ANK3: variants seen among roughly 807,000 people sequenced by gnomAD.
The protein encoded by ANK3 is ankyrin 3, also known as ankyrin-3.
In ANK3, 57 loss-of-function variants were observed where a neutral mutation model predicts 370.9. The ratio of observed to expected loss-of-function variants is 0.15; its 90% CI spans 0.12 to 0.19. The LOEUF (loss-of-function observed/expected upper bound fraction) is 0.19. Among genes scored for constraint, ANK3 ranks in the 10% least tolerant of loss-of-function variants. The pLI is 1.00. For synonymous variants in ANK3, 1,929 were observed against 1,946.3 expected, an observed-to-expected ratio of 0.99 and a Z score of 0.23; for missense variants, 4,439 against 5,302.1, an observed-to-expected ratio of 0.84 and a Z score of 5.06.
At chr10:60,122,472 G>T (rs1361333118) in intron 25 of ANK3, among the ~76,000 whole-genome samples, 1 of 152,208 alleles carries the variant, frequency 6.6e-6, no homozygotes. Context: ...CCTCCATCAG[G>T]AATAAAGGAG....
chr10:60,047,606 C>A (rs1263470930), intron 42 of ANK3, among the ~76,000 whole-genome samples: 1 of 152,168 alleles, frequency 6.6e-6, no homozygotes, highest in African/African-American at 2.4e-5. Context: ...ACTTACCATA[C>A]GTTTGAACTG....
chr10:60,135,912 C>T (rs2094321416), intron 24 of ANK3, among the ~76,000 whole-genome samples: 1 of 151,972 alleles, frequency 6.6e-6, no homozygotes, highest in Middle Eastern at 3.2e-3. Context: ...TCAGATGGAC[C>T]TCTCTTATCC....
At position 60,063,081 on chromosome 10, in the gene ANK3, T is replaced by G. The variant is rs201760438; in HGVS notation, c.12595+30A>C. Reference sequence around the variant, plus strand: ...GCACTTTCAAATTTTATCAAATGATTAAATAAATATGAACACTAAATTCGA... The same window carrying G: ...GCACTTTCAAATTTTATCAAATGATGAAATAAATATGAACACTAAATTCGA... On this transcript the variant is annotated intron_variant, in intron 40 of 43. Transcript: ENST00000280772. 1.1e-3 allele frequency: 1,701 copies of G among 1,589,240 alleles called. 29 individuals are homozygous for G. The South Asian group carries it at 0.018, about 17-fold the overall frequency.
chr10:60,528,064 A>G (rs1483375123), intron 2 of ANK3, among the ~76,000 whole-genome samples: 1 of 152,112 alleles, frequency 6.6e-6, no homozygotes, highest in African/African-American at 2.4e-5. Context: ...GCAAACAAAA[A>G]GAAAATACTA....
intron 1 of ANK3, among the ~76,000 whole-genome samples, chr10:60,380,017 A>G (rs1424313306): frequency 6.6e-6 from 1 of 152,106 alleles, no homozygotes; most frequent in Non-Finnish European, 1.5e-5. Context: ...CCCCCAAATC[A>G]GCTGACACAA....
At chr10:60,044,404 A>G (rs2076616627) in intron 42 of ANK3, 1 of 834,610 alleles carries the variant, frequency 1.2e-6, no homozygotes. Context: ...TCTCCACACT[A>G]CTCCAAACAC....
chr10:60,721,609 A>G (rs2079864428), intron 1 of ANK3, among the ~76,000 whole-genome samples: 2 of 152,222 alleles, frequency 1.3e-5, no homozygotes, highest in Admixed American at 6.5e-5. Flanking sequence ...GTGGAGTAGT[A>G]TTAAAATGAT....
chr10:60,311,712 A>G (rs1286232709), intron 1 of ANK3, among the ~76,000 whole-genome samples: 1 of 152,090 alleles, frequency 6.6e-6, no homozygotes. Context: ...TCCCTCAGAG[A>G]ATTTGAATTT....
At chr10:60,292,125 A>T (rs2041542763) in intron 1 of ANK3, among the ~76,000 whole-genome samples, 1 of 152,238 alleles carries the variant, frequency 6.6e-6, no homozygotes. Context: ...CAAGAGGAAC[A>T]GACAGTTCAA....
chr10:60,259,967 C>G (rs907991306), intron 7 of ANK3, among the ~76,000 whole-genome samples: 9 of 152,116 alleles, frequency 5.9e-5, no homozygotes, highest in Admixed American at 4.6e-4. Context: ...GTAGTTAACA[C>G]AATAAGAAAA....
chr10:60,698,857 C>A (rs1589046320), intron 1 of ANK3, among the ~76,000 whole-genome samples: 1 of 149,804 alleles, frequency 6.7e-6, no homozygotes, highest in African/African-American at 2.5e-5. Context: ...ACATATGTAA[C>A]TAACGTGCAC....
chr10:60,222,802 T>C (rs905114257), intron 8 of ANK3, among the ~76,000 whole-genome samples: 1 of 152,224 alleles, frequency 6.6e-6, no homozygotes, highest in Non-Finnish European at 1.5e-5. Flanking sequence ...CGCCATTTCA[T>C]GTACCTGAGA....
At chr10:60,176,189 A>C (rs1565477572) in intron 18 of ANK3, among the ~76,000 whole-genome samples, 1 of 119,922 alleles carries the variant, frequency 8.3e-6, no homozygotes, top group Non-Finnish European at 1.8e-5. Flanking sequence ...CAAAAAAAAA[A>C]AAAAAACAAA....
chr10:60,230,501 A>G (rs1367172900), intron 8 of ANK3, among the ~76,000 whole-genome samples: 2 of 152,238 alleles, frequency 1.3e-5, no homozygotes, highest in African/African-American at 4.8e-5. Flanking sequence ...CTTACTATCA[A>G]CAGGAACATG....
chr10:60,348,347 C>CAAAAAAAAAAAAAAAAAAA (rs35147179), intron 1 of ANK3, among the ~76,000 whole-genome samples: 27 of 68,116 alleles, frequency 4.0e-4, no homozygotes, highest in Middle Eastern at 0.01. Context: ...TATCACTAGC[C>CAAAAAAAAAAAAAAAAAAA]AAAAAAAAAA....
intron 2 of ANK3, among the ~76,000 whole-genome samples, chr10:60,428,263 C>T (rs553976717): frequency 2.0e-4 from 30 of 152,256 alleles, no homozygotes; most frequent in Non-Finnish European, 2.8e-4. Context: ...TGACCAAGCA[C>T]GAGAATAACG....
Position 60,064,179 on chromosome 10 carries a change from G to A in ANK3, c.12429C>T (p.Thr4143=). ...QSFMLLKKWV[T]RDGKNATTDA... ...TACTTGTGGCATTTTTTCCGTCTCT[G>A]GTAACCCATTTTTTTAATAACATGA... Residue 4143 remains threonine (T), a synonymous_variant, in exon 39 of 44, where the codon ACC becomes ACT. Transcript: ENST00000280772. The A allele has an allele frequency of 6.4e-7, 1 of 1,566,632 alleles. No individual in the cohort carries two copies. Among genetic ancestry groups the A allele is most frequent in the Non-Finnish European group, 8.6e-7 (1 of 1,165,916 alleles).
At chr10:60,066,740 T>G (rs1305116561) in intron 38 of ANK3, among the ~76,000 whole-genome samples, 2 of 152,140 alleles carry the variant, frequency 1.3e-5, no homozygotes, top group African/African-American at 4.8e-5. Context: ...CAGGATGAAT[T>G]TAGATGTGAT....
chr10:60,064,015 C>T (rs11596877), intron 39 of ANK3, 142 bp downstream of exon 39: 1 of 709,234 alleles, frequency 1.4e-6, no homozygotes, highest in African/African-American at 1.9e-5. Context: ...AAAAGACTTG[C>T]TATTACCTCA....
Sources: gnomAD v4.1 joint callset for allele counts (sites outside exome capture counted in the v4.1 genomes callset) on GRCh38, gnomAD v4.1.1 for gene constraint, MANE v1.5 for transcripts, NCBI Gene and HGNC (gene_info 2026-07-23, HGNC 2026-07-21) for gene names.